The following EFNA5 variants were observed in gnomAD, a reference collection of about 807,000 sequenced individuals.
EFNA5 encodes ephrin A5, also known as ephrin-A5.
Under a neutral mutation model 22.9 loss-of-function variants are expected in EFNA5, and 5 were observed. The observed-to-expected ratio is 0.22, with a 90% confidence interval of 0.11 to 0.46. The LOEUF (loss-of-function observed/expected upper bound fraction) is 0.46. EFNA5 is among the 20% of genes least tolerant of loss of function. The pLI is 0.99. For missense variants in EFNA5, 237 were observed against 293.3 expected (o/e 0.81, Z 1.40); for synonymous variants, 113 against 112.2 (o/e 1.01, Z -0.04).
intron 1 of EFNA5, among the ~76,000 whole-genome samples, chr5:107,505,838 C>G (rs780790210): frequency 1.3e-5 from 2 of 151,926 alleles, no homozygotes; most frequent in African/African-American, 4.8e-5. Context: ...CTCTCCCCCC[C>G]ACCTTCTCTT....
chr5:107,435,315 C>CTTTTTTTTTTTTTTTTTTTTTTTTTTT (rs3999107), intron 1 of EFNA5, among the ~76,000 whole-genome samples: 9 of 104,644 alleles, frequency 8.6e-5, no homozygotes, highest in African/African-American at 2.8e-4. Flanking sequence ...TGAAGATGCT[C>CTTTTTTTTTTTTTTTTTTTTTTTTTTT]TTTTTTTTTT....
At chr5:107,601,857 G>A (rs1486027887) in intron 1 of EFNA5, among the ~76,000 whole-genome samples, 6 of 152,114 alleles carry the variant, frequency 3.9e-5, no homozygotes, top group African/African-American at 1.4e-4. Context: ...ATGATGACTC[G>A]TTGAGACAAT....
intron 1 of EFNA5, among the ~76,000 whole-genome samples, chr5:107,446,066 T>C (rs1395217860): frequency 1.3e-5 from 2 of 152,198 alleles, no homozygotes; most frequent in African/African-American, 4.8e-5. Flanking sequence ...AACTGTGTAA[T>C]CTTGGCACAT....
intron 1 of EFNA5, among the ~76,000 whole-genome samples, chr5:107,594,124 C>G (rs113308350): frequency 3.9e-5 from 6 of 152,262 alleles, no homozygotes; most frequent in African/African-American, 1.2e-4. Context: ...CTGGGTATAT[C>G]TACCTCATCA....
chr5:107,550,351 A>G (rs554229535), intron 1 of EFNA5, among the ~76,000 whole-genome samples: 2 of 152,230 alleles, frequency 1.3e-5, no homozygotes, highest in Admixed American at 6.5e-5. Context: ...GATATAATCA[A>G]TAAGTGTTTC....
At chr5:107,421,744 A>G (rs1310473826) in intron 2 of EFNA5, among the ~76,000 whole-genome samples, 2 of 149,750 alleles carry the variant, frequency 1.3e-5, no homozygotes, top group African/African-American at 2.5e-5. Flanking sequence ...TATAAAGTGT[A>G]TTTTTTCAAG....
intron 1 of EFNA5, among the ~76,000 whole-genome samples, chr5:107,471,744 T>C (rs1350889995): frequency 6.6e-6 from 1 of 152,200 alleles, no homozygotes; most frequent in African/African-American, 2.4e-5. Context: ...TTACAACAGC[T>C]GAAAAGATGT....
intron 4 of EFNA5, 102 bp downstream of exon 4, chr5:107,387,133 A>T: frequency 1.3e-6 from 1 of 754,268 alleles, no homozygotes; most frequent in Non-Finnish European, 2.1e-6. Flanking sequence ...GCAGAACAAC[A>T]ACTATAACAT....
chr5:107,383,353 C>T (rs529153444), intron 4 of EFNA5, among the ~76,000 whole-genome samples: 4 of 152,302 alleles, frequency 2.6e-5, no homozygotes, highest in Non-Finnish European at 4.4e-5. Context: ...CCTTCAGACC[C>T]TCTTCTATTC....
intron 1 of EFNA5, among the ~76,000 whole-genome samples, chr5:107,455,872 C>T (rs1749687539): frequency 6.6e-6 from 1 of 152,146 alleles, no homozygotes; most frequent in Admixed American, 6.6e-5. Context: ...GTCCAGTTAG[C>T]ATTAGCATAT....
rs914016431 is a variant in EFNA5, at chr5:107,422,837, A to G, written c.418+4380T>C. Among the ~76,000 whole-genome samples, 38 of 152,300 alleles carry G rather than the reference A, an allele frequency of 2.5e-4. No individual in the cohort carries two copies. In the East Asian group the frequency reaches 5.4e-3, roughly 22 times the overall value. ...TGCTCTGTCAGTGCCATGAGTGGGGAAAACAGGAGCTTGCTGCACTGGTAG... is the reference window on the plus strand; with the variant it reads ...TGCTCTGTCAGTGCCATGAGTGGGGGAAACAGGAGCTTGCTGCACTGGTAG... On this transcript the variant is annotated intron_variant, in intron 2 of 4. Transcript: ENST00000333274.
At chr5:107,416,506 C>T (rs1223097724) in intron 2 of EFNA5, among the ~76,000 whole-genome samples, 1 of 152,096 alleles carries the variant, frequency 6.6e-6, no homozygotes, top group Non-Finnish European at 1.5e-5. Flanking sequence ...ACCGGCCTCA[C>T]AGATGAGGAT....
intron 1 of EFNA5, among the ~76,000 whole-genome samples, chr5:107,576,775 T>C (rs1236334018): frequency 1.3e-5 from 2 of 151,924 alleles, no homozygotes; most frequent in African/African-American, 4.9e-5. Flanking sequence ...TGCCATACTG[T>C]TATTTAACTG....
At chr5:107,448,965 G>A (rs1192767279) in intron 1 of EFNA5, among the ~76,000 whole-genome samples, 2 of 152,106 alleles carry the variant, frequency 1.3e-5, no homozygotes, top group African/African-American at 4.8e-5. Context: ...GTGGGTTGGA[G>A]TGGGGGTGAA....
At chr5:107,647,366 T>C (rs114323915) in intron 1 of EFNA5, among the ~76,000 whole-genome samples, 2,361 of 152,222 alleles carry the variant, frequency 0.016, 66 homozygotes, top group African/African-American at 0.053. Context: ...AAGAGAAACA[T>C]AGTTCAAAAT....
intron 1 of EFNA5, among the ~76,000 whole-genome samples, chr5:107,448,208 T>C (rs976411078): frequency 3.3e-5 from 5 of 152,222 alleles, no homozygotes; most frequent in Non-Finnish European, 7.3e-5. Flanking sequence ...AAGCTCGAAG[T>C]AGTAAGATCA....
chr5:107,403,853 T>C (rs1237931960), intron 2 of EFNA5, among the ~76,000 whole-genome samples: 1 of 152,228 alleles, frequency 6.6e-6, no homozygotes, highest in East Asian at 1.9e-4. Context: ...GTATTCTCTT[T>C]GTGCAGAGCT....
intron 1 of EFNA5, among the ~76,000 whole-genome samples, chr5:107,580,575 T>C (rs1435896726): frequency 6.6e-6 from 1 of 151,734 alleles, no homozygotes; most frequent in Non-Finnish European, 1.5e-5. Flanking sequence ...ATACAAAAAT[T>C]AGCCGGGCAT....
intron 2 of EFNA5, among the ~76,000 whole-genome samples, chr5:107,416,923 C>A (rs531393269): frequency 6.6e-6 from 1 of 151,826 alleles, no homozygotes; most frequent in South Asian, 2.1e-4. Context: ...GCAAAACATG[C>A]AGTAAAACTT....
Sources: allele counts gnomAD v4.1 joint callset (sites outside exome capture counted in the v4.1 genomes callset), GRCh38; gene constraint gnomAD v4.1.1; transcripts MANE v1.5; gene names NCBI Gene and HGNC (gene_info 2026-07-23, HGNC 2026-07-21).